The following UBE2E1 variants were observed in gnomAD, a reference collection of about 807,000 sequenced individuals.
The protein encoded by UBE2E1 is ubiquitin-conjugating enzyme E2 E1.
Under a neutral mutation model 21.4 loss-of-function variants are expected in UBE2E1, and 6 were observed. The observed-to-expected ratio is 0.28, with a 90% confidence interval of 0.15 to 0.55. The LOEUF is 0.55. UBE2E1 is among the 20% of genes least tolerant of loss of function. UBE2E1 has a pLI of 0.93. For missense variants in UBE2E1, 142 were observed against 236.5 expected, an observed-to-expected ratio of 0.60 and a Z score of 2.62; for synonymous variants, 87 against 82.7, an observed-to-expected ratio of 1.05 and a Z score of -0.28.
chr3:23,871,019 C>T (rs993631547), intron 3 of UBE2E1, among the ~76,000 whole-genome samples: 1 of 152,186 alleles, frequency 6.6e-6, no homozygotes, highest in South Asian at 2.1e-4. Context: ...AACAGGATCC[C>T]AAGGCAGAAG....
intron 3 of UBE2E1, among the ~76,000 whole-genome samples, chr3:23,867,323 GATACTTTAGATGTACAAA>G (rs1700679479): frequency 6.6e-6 from 1 of 152,126 alleles, no homozygotes; most frequent in South Asian, 2.1e-4. Flanking sequence ...TTCTTGGAGT[GATACTTTAGATGTACAAA>G]TAGTAGGTCA....
chr3:23,839,427 G>GT (rs1417467302), intron 3 of UBE2E1, among the ~76,000 whole-genome samples: 1 of 151,772 alleles, frequency 6.6e-6, no homozygotes, highest in African/African-American at 2.4e-5. Flanking sequence ...TCACTCCACT[G>GT]TACTCCAGCC....
intron 3 of UBE2E1, among the ~76,000 whole-genome samples, chr3:23,860,944 T>C (rs1410965175): frequency 6.6e-6 from 1 of 152,222 alleles, no homozygotes; most frequent in Non-Finnish European, 1.5e-5. Flanking sequence ...CAAGGAGATA[T>C]ATATATGTAA....
rs1701215591 is a variant in UBE2E1, at chr3:23,887,492, T to C, written c.204-75T>C. 3.3e-6 allele frequency: 5 copies of C among 1,504,042 alleles called. No individual in the cohort carries two copies. The Admixed American group carries it at 1.2e-4, about 36-fold the overall frequency. 93.2% of individuals were successfully genotyped at this position (1,504,042 alleles called of 1,614,324 possible). On this transcript the variant is annotated intron_variant, in intron 3 of 5. Coordinates refer to ENST00000306627, the MANE Select transcript of UBE2E1 (RefSeq NM_003341.5). This position sits in a 1 kb window ranked among gnomAD's most constrained non-coding sequence, Gnocchi z 4.4. ...ACAAAAGAGAGGAGAGAGGTAATCT[T>C]TCCATCTCTTTTAATACACTGTAAA...
At chr3:23,867,768 A>C (rs1700690665) in intron 3 of UBE2E1, among the ~76,000 whole-genome samples, 1 of 152,186 alleles carries the variant, frequency 6.6e-6, no homozygotes. Flanking sequence ...AGGAAAGAGC[A>C]CCTGAATTGA....
chr3:23,830,498 A>G (rs963680378), intron 3 of UBE2E1, among the ~76,000 whole-genome samples: 4 of 152,176 alleles, frequency 2.6e-5, no homozygotes, highest in African/African-American at 9.7e-5. Flanking sequence ...CTTCAGGCTT[A>G]TAGAACCAAC....
At position 23,842,203 on chromosome 3, in the gene UBE2E1, G is replaced by GTGTA. The variant is rs1559482361; in HGVS notation, c.203+30696_203+30697insATGT. 1.1e-5 allele frequency among the ~76,000 whole-genome samples: 1 copy of GTGTA among 91,210 alleles called. No individual in the cohort carries two copies. Among genetic ancestry groups the GTGTA allele is most frequent in the Non-Finnish European group, 2.2e-5 (1 of 44,628 alleles). 59.8% of individuals were successfully genotyped at this position (91,210 alleles called of 152,430 possible). On this transcript the variant is annotated intron_variant, in intron 3 of 5. Transcript: ENST00000306627. This position sits in a 1 kb window ranked among gnomAD's most constrained non-coding sequence, Gnocchi z 4.6. Reference sequence around the variant, plus strand: ...CATGACCCAGTAAGTGAAGGGGTGTGTGTGTGTGTGTGTGTGTGTGTGTGT... The same window carrying GTGTA: ...CATGACCCAGTAAGTGAAGGGGTGTGTGTATGTGTGTGTGTGTGTGTGTGTGTGT...
intron 3 of UBE2E1, among the ~76,000 whole-genome samples, chr3:23,885,603 A>G (rs1701163574): frequency 6.6e-6 from 1 of 152,190 alleles, no homozygotes; most frequent in Non-Finnish European, 1.5e-5. Context: ...GCTCACACCT[A>G]TAATCCCAGC....
intron 3 of UBE2E1, among the ~76,000 whole-genome samples, chr3:23,854,952 T>G (rs1320850890): frequency 2.0e-5 from 3 of 152,242 alleles, no homozygotes; most frequent in Non-Finnish European, 4.4e-5. Context: ...AAAGGCAGAT[T>G]GTCCACTGAC....
At chr3:23,881,151 G>C (rs968156701) in intron 3 of UBE2E1, among the ~76,000 whole-genome samples, 2 of 152,216 alleles carry the variant, frequency 1.3e-5, no homozygotes, top group Non-Finnish European at 2.9e-5. Context: ...TATGACAGAA[G>C]TGTCGTGGCT....
At position 23,870,473 on chromosome 3, in the gene UBE2E1, G is replaced by C. The variant is rs1700759912; in HGVS notation, c.204-17094G>C. On this transcript the variant is annotated intron_variant, in intron 3 of 5. Transcript: ENST00000306627. The surrounding 1 kb of genome is among the most constrained non-coding windows in gnomAD (Gnocchi z 4.2). ...GTATTTCTGCCTATTGCTATGGGCA[G>C]AGCAGCTTTAAGCACAGAGGCGCAG... Among the ~76,000 whole-genome samples, 1 of 152,176 alleles carries C rather than the reference G, an allele frequency of 6.6e-6. No homozygotes were observed. Among genetic ancestry groups the C allele is most frequent in the African/African-American group, 2.4e-5 (1 of 41,444 alleles).
At chr3:23,889,542 T>C in intron 5 of UBE2E1, 1 of 1,385,406 alleles carries the variant, frequency 7.2e-7, no homozygotes, top group Non-Finnish European at 9.3e-7. Context: ...TTTTTTCCTG[T>C]TGCTTAATTT....
At chr3:23,834,882 G>T (rs757200021) in intron 3 of UBE2E1, among the ~76,000 whole-genome samples, 3 of 152,028 alleles carry the variant, frequency 2.0e-5, no homozygotes, top group Admixed American at 1.3e-4. Context: ...TCACTTTGGA[G>T]GAAATTTAAA....
At chr3:23,814,872 G>C (rs1699480022) in intron 3 of UBE2E1, among the ~76,000 whole-genome samples, 1 of 152,222 alleles carries the variant, frequency 6.6e-6, no homozygotes, top group East Asian at 1.9e-4. Context: ...TGTTTCATGA[G>C]TAAATGTCTC....
In UBE2E1 at chr3:23,836,417, A is replaced by G. The variant is rs1259619061; in HGVS notation, c.203+24907A>G. Among the ~76,000 whole-genome samples, 2 of 152,242 alleles carry G rather than the reference A, an allele frequency of 1.3e-5. No homozygotes were observed. The highest frequency in any genetic ancestry group is 4.8e-5 in the African/African-American group (2 of 41,460). On this transcript the variant is annotated intron_variant, in intron 3 of 5. Transcript: ENST00000306627. The surrounding 1 kb of genome is among the most constrained non-coding windows in gnomAD (Gnocchi z 4.1). Reference sequence around the variant, plus strand: ...ATGTGCTGTACTGGGGAAGACATAAACAGGAGAGACTAGGTCCAGACTCTG... The same window carrying G: ...ATGTGCTGTACTGGGGAAGACATAAGCAGGAGAGACTAGGTCCAGACTCTG...
In UBE2E1 at chr3:23,876,620, GTTTT is replaced by G. The variant is rs560694546; in HGVS notation, c.204-10944_204-10941del. On this transcript the variant is annotated intron_variant, in intron 3 of 5. Coordinates refer to ENST00000306627, the MANE Select transcript of UBE2E1 (RefSeq NM_003341.5). This position sits in a 1 kb window ranked among gnomAD's most constrained non-coding sequence, Gnocchi z 4.3. ...AAGCATTTTGTAAATTCAGTTTTGG[GTTTT>G]TTGTTTTTTGTTTCTTGTTTTTGTT... Among the ~76,000 whole-genome samples, 1 of 151,966 alleles carries G rather than the reference GTTTT, an allele frequency of 6.6e-6. No homozygotes were observed. Among genetic ancestry groups the G allele is most frequent in the South Asian group, 2.1e-4 (1 of 4,814 alleles).
intron 2 of UBE2E1, among the ~76,000 whole-genome samples, chr3:23,809,129 A>G (rs1699336144): frequency 6.6e-6 from 1 of 152,196 alleles, no homozygotes; most frequent in Admixed American, 6.5e-5. Flanking sequence ...GAAGCTACAA[A>G]TAGTAATTTT....
intron 3 of UBE2E1, among the ~76,000 whole-genome samples, chr3:23,826,743 T>C (rs1420727064): frequency 6.6e-6 from 1 of 152,204 alleles, no homozygotes; most frequent in Non-Finnish European, 1.5e-5. Context: ...TTATGATAGC[T>C]GAAATATTTG....
At chr3:23,882,509 G>A (rs377064049) in intron 3 of UBE2E1, among the ~76,000 whole-genome samples, 6 of 152,234 alleles carry the variant, frequency 3.9e-5, no homozygotes, top group Non-Finnish European at 8.8e-5. Flanking sequence ...GGAGCTGCCC[G>A]CCAGTCCCGC....
Sources: gnomAD v4.1 joint callset for allele counts (sites outside exome capture counted in the v4.1 genomes callset) on GRCh38, gnomAD v4.1.1 for gene constraint, Gnocchi (gnomAD v3.1) non-coding constraint, MANE v1.5 for transcripts, NCBI Gene and HGNC (gene_info 2026-07-23, HGNC 2026-07-21) for gene names.